TRHDE: variants seen among roughly 807,000 people sequenced by gnomAD.
TRHDE encodes the protein thyrotropin-releasing hormone-degrading ectoenzyme.
In TRHDE, 72 loss-of-function variants were observed where a neutral mutation model predicts 125.7. That is an observed-to-expected ratio of 0.57 (90% CI 0.47 to 0.70). TRHDE has a LOEUF of 0.70. Among genes scored for constraint, TRHDE ranks in the 30% least tolerant of loss-of-function variants. The probability of loss-of-function intolerance (pLI) is 0.00; values close to 1 mark genes in which losing one functional copy is unlikely to be tolerated. For synonymous variants in TRHDE, 509 were observed against 509.1 expected (o/e 1.00, Z 0.00); for missense variants, 1,110 against 1,327.1 (o/e 0.84, Z 2.54).
intron 2 of TRHDE, among the ~76,000 whole-genome samples, chr12:72,222,339 C>T (rs181019131): frequency 8.3e-4 from 127 of 152,140 alleles, no homozygotes; most frequent in African/African-American, 2.4e-3. Context: ...GAAAATATAG[C>T]CTGCCACACT....
intron 3 of TRHDE, among the ~76,000 whole-genome samples, chr12:72,408,093 G>C (rs1472511269): frequency 1.3e-5 from 2 of 152,194 alleles, no homozygotes; most frequent in Non-Finnish European, 2.9e-5. Flanking sequence ...CATTGTGACA[G>C]AGCAAGGGCA....
chr12:72,618,893 C>A lies in TRHDE; in HGVS notation c.2324C>A (p.Ala775Asp). 2.0e-6 allele frequency: 3 copies of A among 1,503,168 alleles called. No individual in the cohort carries two copies. The highest frequency in any genetic ancestry group is 1.4e-5 in the African/African-American group (1 of 69,222). The allele number at this position is 1,503,168 out of a possible 1,614,324, so 93.1% of individuals were successfully genotyped here. A position where few individuals can be genotyped will look rare whatever the true frequency, so the allele number is the denominator to read the frequency against. ...TCTTTTTTTTTTTTTAACTGTAGGG[C>A]TGGCTATTTGCCTCAGAATATTCCT... ...LIDDAFSLAR[A>D]GYLPQNIPLE... The change falls in exon 13 of 19, where the codon GCT (alanine) becomes GAT (aspartate). Residue 775 changes from alanine to aspartate, a missense_variant and splice_region_variant. Coordinates refer to ENST00000261180, the MANE Select transcript of TRHDE (RefSeq NM_013381.3).
chr12:72,324,187 A>G (rs1015764274), intron 2 of TRHDE, among the ~76,000 whole-genome samples: 4 of 152,244 alleles, frequency 2.6e-5, no homozygotes, highest in Admixed American at 2.0e-4. Context: ...ATGAGTACCT[A>G]CTAGGTACTT....
At chr12:72,308,805 A>C (rs1032329152) in intron 2 of TRHDE, among the ~76,000 whole-genome samples, 1 of 152,204 alleles carries the variant, frequency 6.6e-6, no homozygotes, top group African/African-American at 2.4e-5. Context: ...ATGAAGTTAT[A>C]CCATGAAGAA....
Position 72,666,845 on chromosome 12 carries a change from C to T in TRHDE, c.*3650C>T, listed in dbSNP as rs994936234. On this transcript the variant is annotated 3_prime_UTR_variant, in exon 19 of 19. Coordinates refer to ENST00000261180, the MANE Select transcript of TRHDE (RefSeq NM_013381.3). ...CAGTATAAATAATCAAATATTGGGACAAATAATTTAATTCATTTAGTTTAT... is the reference window on the plus strand; with the variant it reads ...CAGTATAAATAATCAAATATTGGGATAAATAATTTAATTCATTTAGTTTAT... The T allele has an allele frequency of 5.9e-5, 9 of 151,994 alleles. No individual in the cohort carries two copies. Among genetic ancestry groups the T allele is most frequent in the Non-Finnish European group, 1.2e-4 (8 of 67,964 alleles). The allele number at this position is 151,994 out of a possible 1,614,324, so 9.4% of individuals were successfully genotyped here. A position where few individuals can be genotyped will look rare whatever the true frequency, so the allele number is the denominator to read the frequency against.
At chr12:72,166,189 T>C (rs1876742954) in intron 2 of TRHDE, among the ~76,000 whole-genome samples, 1 of 152,030 alleles carries the variant, frequency 6.6e-6, no homozygotes, top group Non-Finnish European at 1.5e-5. Flanking sequence ...TATCTAAACA[T>C]AGAAAAAGTA....
At chr12:72,471,324 G>A (rs185355457) in intron 4 of TRHDE, among the ~76,000 whole-genome samples, 6 of 152,186 alleles carry the variant, frequency 3.9e-5, no homozygotes, top group Non-Finnish European at 8.8e-5. Context: ...CTGTACTAAA[G>A]AGGATGGTTT....
Position 72,473,167 on chromosome 12 carries a change from C to T in TRHDE, c.1571C>T (p.Pro524Leu). 1 of 1,613,444 alleles carries T rather than the reference C, an allele frequency of 6.2e-7. No individual in the cohort carries two copies. Among genetic ancestry groups the T allele is most frequent in the Non-Finnish European group, 8.5e-7 (1 of 1,179,488 alleles). ...TTTGTTGGTACAGACTACCTCTATC[C>T]TGGCTGGAACATGGTAAGTGCACTT... is the stretch of plus-strand genomic sequence containing the variant. ...FEFVGTDYLYPGWNMEKQRFL... is the reference protein window; with the variant it reads ...FEFVGTDYLYLGWNMEKQRFL... Residue 524 changes from proline (P) to leucine (L), a missense_variant, in exon 5 of 19, where the codon CCT becomes CTT. By Grantham distance (98) the Pro-to-Leu change is moderately conservative (BLOSUM62 -3). Around this residue, in one of 5 missense-constraint regions of TRHDE, gnomAD observed 527 missense variants for 651.8 expected, o/e 0.81. Transcript: ENST00000261180.
intron 2 of TRHDE, among the ~76,000 whole-genome samples, chr12:72,309,535 TG>T (rs1206262257): frequency 6.6e-6 from 1 of 151,928 alleles, no homozygotes; most frequent in African/African-American, 2.4e-5. Flanking sequence ...AGAGATGAGA[TG>T]GTCCAATATG....
chr12:72,517,392 A>C (rs1215335203), intron 6 of TRHDE, among the ~76,000 whole-genome samples: 3 of 152,038 alleles, frequency 2.0e-5, no homozygotes, highest in Non-Finnish European at 1.5e-5. Context: ...TGTGTCGAGG[A>C]ATTTATCCAT....
chr12:72,250,927 G>T (rs1878670961), intron 2 of TRHDE, among the ~76,000 whole-genome samples: 1 of 146,226 alleles, frequency 6.8e-6, no homozygotes, highest in Non-Finnish European at 1.5e-5. Context: ...TTCTCCACTG[G>T]AAAGCCACTT....
chr12:72,190,909 A>C (rs758551342), intron 2 of TRHDE, among the ~76,000 whole-genome samples: 1 of 152,218 alleles, frequency 6.6e-6, no homozygotes, highest in Non-Finnish European at 1.5e-5. Context: ...GGTCAATTAA[A>C]TAAGCCCTTT....
intron 3 of TRHDE, among the ~76,000 whole-genome samples, chr12:72,386,003 G>T (rs899241176): frequency 6.6e-6 from 1 of 152,306 alleles, no homozygotes; most frequent in African/African-American, 2.4e-5. Context: ...TGTACATTGT[G>T]CTCAGCAATG....
intron 6 of TRHDE, among the ~76,000 whole-genome samples, chr12:72,506,086 C>T (rs1878346307): frequency 6.6e-6 from 1 of 152,136 alleles, no homozygotes; most frequent in Non-Finnish European, 1.5e-5. Context: ...ACTGCTTGAG[C>T]CCAGGAGTTC....
chr12:72,363,033 G>C (rs1352478605), intron 2 of TRHDE, among the ~76,000 whole-genome samples: 1 of 152,018 alleles, frequency 6.6e-6, no homozygotes, highest in East Asian at 1.9e-4. Context: ...GCTTAGGATT[G>C]ACTTGGCGAT....
chr12:72,124,614 A>G (rs1875669821), intron 2 of TRHDE, among the ~76,000 whole-genome samples: 1 of 152,158 alleles, frequency 6.6e-6, no homozygotes, highest in African/African-American at 2.4e-5. Flanking sequence ...CTTTGTTAAT[A>G]TTATATGACT....
intron 2 of TRHDE, among the ~76,000 whole-genome samples, chr12:72,258,639 G>A (rs935588761): frequency 9.9e-5 from 15 of 152,096 alleles, no homozygotes; most frequent in African/African-American, 3.6e-4. Flanking sequence ...CCAGAGACCC[G>A]ATTCAAGTTT....
At chr12:72,257,006 A>G (rs1011727172) in intron 2 of TRHDE, 2 of 152,208 alleles carry the variant, frequency 1.3e-5, no homozygotes, top group African/African-American at 4.8e-5. Flanking sequence ...CTCAGAGGGA[A>G]TTATGACATT....
At chr12:72,381,486 C>T (rs1306083767) in intron 3 of TRHDE, among the ~76,000 whole-genome samples, 1 of 150,536 alleles carries the variant, frequency 6.6e-6, no homozygotes, top group Non-Finnish European at 1.5e-5. Flanking sequence ...AGCTCCGCCT[C>T]CCGGGTTCAC....
Sources: gnomAD v4.1 joint callset for allele counts (sites outside exome capture counted in the v4.1 genomes callset) on GRCh38, gnomAD v4.1.1 for gene constraint, gnomAD v4.1.1 regional missense constraint, MANE v1.5 for transcripts, NCBI Gene and HGNC (gene_info 2026-07-23, HGNC 2026-07-21) for gene names.